The following EEF1G variants were observed in gnomAD, a reference collection of about 807,000 sequenced individuals.
EEF1G encodes the protein elongation factor 1-gamma.
Under a neutral mutation model 58.3 loss-of-function variants are expected in EEF1G, and 14 were observed. That is an observed-to-expected ratio of 0.24 (90% CI 0.16 to 0.38). The LOEUF (loss-of-function observed/expected upper bound fraction) is 0.38, where lower values mean the gene tolerates loss of function less well. Ranked by LOEUF, EEF1G falls within the 10% of genes least tolerant of loss-of-function variation. The probability of loss-of-function intolerance (pLI) is 1.00; values close to 1 mark genes in which losing one functional copy is unlikely to be tolerated. For missense variants in EEF1G, 322 were observed against 550.1 expected (o/e 0.59, Z 4.15); for synonymous variants, 180 against 206.8 (o/e 0.87, Z 1.11).
intron 9 of EEF1G, 80 bp downstream of exon 9, chr11:62,559,989 C>A (rs1431759820): frequency 6.2e-7 from 1 of 1,607,734 alleles, no homozygotes; most frequent in South Asian, 1.1e-5. Context: ...CCTAAACATC[C>A]ATCAACTCAG....
chr11:62,565,158 G>A (rs1941542174), intron 7 of EEF1G, among the ~76,000 whole-genome samples: 1 of 152,036 alleles, frequency 6.6e-6, no homozygotes, highest in African/African-American at 2.4e-5. Context: ...ACTTTGAGAG[G>A]CCAAGGATCA....
At chr11:62,559,945 G>A in intron 9 of EEF1G, 108 bp from the exon 10 acceptor site, 3 of 1,605,844 alleles carry the variant, frequency 1.9e-6, no homozygotes, top group Non-Finnish European at 2.6e-6. Flanking sequence ...CTGTGAACAT[G>A]AACTGCTCCT....
chr11:62,565,004 C>T (rs970923717), intron 7 of EEF1G, among the ~76,000 whole-genome samples: 9 of 150,986 alleles, frequency 6.0e-5, no homozygotes, highest in Non-Finnish European at 3.0e-5. Flanking sequence ...ACTGGGGAGG[C>T]GGAGGTTGCA....
intron 1 of EEF1G, 34 bp from the exon 2 acceptor site, chr11:62,572,776 T>C: frequency 6.3e-7 from 1 of 1,587,746 alleles, no homozygotes; most frequent in East Asian, 2.3e-5. Context: ...AATTAATGAG[T>C]AGAAGGGTCC....
intron 5 of EEF1G, among the ~76,000 whole-genome samples, chr11:62,570,636 C>T (rs917924038): frequency 1.3e-5 from 2 of 152,102 alleles, no homozygotes; most frequent in African/African-American, 2.4e-5. Context: ...CTCACTGCAA[C>T]CTCCACCTCC....
chr11:62,573,525 T>C (rs1003367240), intron 1 of EEF1G: 3 of 520,826 alleles, frequency 5.8e-6, no homozygotes, highest in Non-Finnish European at 1.0e-5. Flanking sequence ...CAGAAGTTCG[T>C]CAACCTGCCC....
Position 62,571,080 on chromosome 11 carries a change from C to T in EEF1G, c.407G>A (p.Arg136Lys). The change falls in exon 5 of 10, where the codon AGG becomes AAG. Residue 136 changes from arginine (R) to lysine (K), a missense_variant. This residue lies in a region of EEF1G where 52 missense variants were observed against 139.4 expected (regional missense o/e 0.37). Transcript: ENST00000329251. ...QATENAKEEV[R>K]RILGLLDAYL... is the part of the protein sequence containing the mutation. ...AGCATCCAGCAGCCCCAGAATTCGC[C>T]TCACTTCCTCCTTTGCATTCTCAGT... 6.2e-7 allele frequency: 1 copy of T among 1,613,954 alleles called. No homozygotes were observed. Among genetic ancestry groups the T allele is most frequent in the African/African-American group, 1.3e-5 (1 of 75,016 alleles).
chr11:62,566,708 A>G, intron 7 of EEF1G, 98 bp downstream of exon 7: 5 of 1,127,662 alleles, frequency 4.4e-6, no homozygotes, highest in South Asian at 4.4e-5. Context: ...TATATGGACA[A>G]CCTAAAATTC....
intron 6 of EEF1G, 109 bp from the exon 7 acceptor site, chr11:62,567,119 A>C: frequency 2.4e-6 from 3 of 1,242,066 alleles, no homozygotes; most frequent in Non-Finnish European, 3.4e-6. Flanking sequence ...GAATGGGACA[A>C]GTAAGGAACT....
At chr11:62,561,663 AAAAAAAAC>A (rs1941495624) in intron 7 of EEF1G, among the ~76,000 whole-genome samples, 1 of 71,336 alleles carries the variant, frequency 1.4e-5, no homozygotes, top group Non-Finnish European at 3.2e-5. Context: ...TCCGTCTCAA[AAAAAAAAC>A]AAAAAAAAAA....
rs142167033 is a variant in EEF1G, at chr11:62,569,107, C to T, written c.523-1579G>A. 1.3e-4 allele frequency among the ~76,000 whole-genome samples: 20 copies of T among 152,196 alleles called. No individual in the cohort carries two copies. In the East Asian group the frequency reaches 3.5e-3, roughly 26 times the overall value. On this transcript the variant is annotated intron_variant, in intron 5 of 9. Coordinates refer to ENST00000329251, the MANE Select transcript of EEF1G (RefSeq NM_001404.5). Reference sequence around the variant, plus strand: ...CACGCACACACACACACACACCCCCCACACCCACCCATCCATCAAACTTCA... The same window carrying T: ...CACGCACACACACACACACACCCCCTACACCCACCCATCCATCAAACTTCA...
At chr11:62,561,688 A>ACC (rs1209920719) in intron 7 of EEF1G, among the ~76,000 whole-genome samples, 1 of 140,432 alleles carries the variant, frequency 7.1e-6, no homozygotes, top group Non-Finnish European at 1.6e-5. Context: ...AAAACAAAAA[A>ACC]AAAAAAAACA....
In EEF1G at chr11:62,573,816, A is replaced by G. The variant is rs946120827; in HGVS notation, c.12+15T>C. The G allele has an allele frequency of 2.5e-6, 4 of 1,613,652 alleles. No homozygotes were observed. Among genetic ancestry groups the G allele is most frequent in the Non-Finnish European group, 3.4e-6 (4 of 1,179,786 alleles). On this transcript the variant is annotated intron_variant, in intron 1 of 9. Coordinates refer to ENST00000329251, the MANE Select transcript of EEF1G (RefSeq NM_001404.5). ...TGGATAGGATGACCCGAACCACCAG[A>G]GCCAGCAAACTTACCCCAGCCGCCA...
intron 7 of EEF1G, among the ~76,000 whole-genome samples, chr11:62,562,279 CGA>C (rs572039812): frequency 6.6e-6 from 1 of 152,068 alleles, no homozygotes; most frequent in African/African-American, 2.4e-5. Flanking sequence ...TCCTCAGGGC[CGA>C]GAGATTTTTG....
At chr11:62,573,714 G>A (rs963374115) in intron 1 of EEF1G, 117 bp downstream of exon 1, 5 of 1,421,564 alleles carry the variant, frequency 3.5e-6, no homozygotes, top group African/African-American at 2.8e-5. Flanking sequence ...ACAGTCTGTA[G>A]ACCCCCGAAT....
chr11:62,566,440 C>A (rs897291553), intron 7 of EEF1G, among the ~76,000 whole-genome samples: 4 of 152,052 alleles, frequency 2.6e-5, no homozygotes, highest in African/African-American at 9.7e-5. Context: ...CGTGGCGCAC[C>A]GCAAGGCTCT....
At position 62,560,263 on chromosome 11, in the gene EEF1G, C is replaced by G. The variant is rs910207765; in HGVS notation, c.1030+19G>C. On this transcript the variant is annotated intron_variant, in intron 8 of 9. Coordinates refer to ENST00000329251, the MANE Select transcript of EEF1G (RefSeq NM_001404.5). ...TTGCTACACCTTGTTCTCCTTCCTT[C>G]TCAGACCCACTCTCTTACCAGTGAT... 7 of 1,613,872 alleles carry G rather than the reference C, an allele frequency of 4.3e-6. No homozygotes were observed. The African/African-American group carries it at 6.7e-5, about 15-fold the overall frequency.
chr11:62,565,597 C>T (rs1289105252), intron 7 of EEF1G, among the ~76,000 whole-genome samples: 7 of 152,294 alleles, frequency 4.6e-5, no homozygotes, highest in African/African-American at 1.7e-4. Context: ...TAATTAACAA[C>T]GTCTGAGTTA....
At chr11:62,564,586 C>T (rs1414690891) in intron 7 of EEF1G, among the ~76,000 whole-genome samples, 2 of 151,088 alleles carry the variant, frequency 1.3e-5, no homozygotes, top group African/African-American at 4.9e-5. Context: ...CATGGTGAAA[C>T]CCTGTCTCTG....
Sources: allele counts gnomAD v4.1 joint callset (sites outside exome capture counted in the v4.1 genomes callset), GRCh38; gene constraint gnomAD v4.1.1; regional missense constraint gnomAD v4.1.1; transcripts MANE v1.5; gene names NCBI Gene and HGNC (gene_info 2026-07-23, HGNC 2026-07-21).